JPH2: variants seen among roughly 807,000 people sequenced by gnomAD.
JPH2 encodes the protein junctophilin-2.
Under a neutral mutation model 55.9 loss-of-function variants are expected in JPH2, and 38 were observed. The observed-to-expected ratio is 0.68, with a 90% CI of 0.52 to 0.89. The LOEUF is 0.89. Among genes scored for constraint, JPH2 ranks in the 40% least tolerant of loss-of-function variants. The probability of loss-of-function intolerance (pLI) is 0.00; values close to 1 mark genes in which losing one functional copy is unlikely to be tolerated. For missense variants in JPH2, 964 were observed against 1,037.6 expected (o/e 0.93, Z 0.97); for synonymous variants, 480 against 472.4 (o/e 1.02, Z -0.21).
Position 44,160,166 on chromosome 20 carries a change from A to T in JPH2, c.621T>A (p.Asn207Lys). The T allele has an allele frequency of 7.0e-7, 1 of 1,423,288 alleles. No individual in the cohort carries two copies. Among genetic ancestry groups the T allele is most frequent in the Non-Finnish European group, 9.1e-7 (1 of 1,098,524 alleles). 88.2% of individuals were successfully genotyped at this position (1,423,288 alleles called of 1,614,324 possible). ...RGGFALSLLA[N>K]AEAAARAPKG... ...TGGGCGCCCGCGCGGCCGCCTCGGC[A>T]TTGGCCAGGAGGCTGAGCGCGAAGC... is the stretch of plus-strand genomic sequence containing the variant. Residue 207 changes from asparagine (N) to lysine (K), a missense_variant, in exon 2 of 6, where the codon AAT becomes AAA. By Grantham distance (94) the Asn-to-Lys change is moderately conservative. Coordinates refer to ENST00000372980, the MANE Select transcript of JPH2 (RefSeq NM_020433.5). This position sits in a 1 kb window ranked among gnomAD's most constrained non-coding sequence, Gnocchi z 4.9.
intron 2 of JPH2, among the ~76,000 whole-genome samples, chr20:44,148,722 A>G (rs1366007765): frequency 3.3e-5 from 5 of 151,898 alleles, no homozygotes; most frequent in African/African-American, 1.2e-4. Context: ...CCCCTGATTC[A>G]ACACCGGGCA....
intron 2 of JPH2, among the ~76,000 whole-genome samples, chr20:44,124,463 T>C (rs2072262010): frequency 1.3e-5 from 2 of 152,264 alleles, no homozygotes. Flanking sequence ...GAGTGCCTAC[T>C]ATGTGCTAGG....
At chr20:44,156,667 G>A (rs1334223311) in intron 2 of JPH2, among the ~76,000 whole-genome samples, 1 of 152,052 alleles carries the variant, frequency 6.6e-6, no homozygotes, top group Non-Finnish European at 1.5e-5. Context: ...GACAAAAAGG[G>A]GTCAAACTCA....
At chr20:44,140,035 C>A (rs2072444157) in intron 2 of JPH2, among the ~76,000 whole-genome samples, 1 of 152,110 alleles carries the variant, frequency 6.6e-6, no homozygotes, top group African/African-American at 2.4e-5. Context: ...CCTTGCCCAG[C>A]TAATTTTCTG....
At chr20:44,164,504 T>A (rs1002353298) in intron 1 of JPH2, among the ~76,000 whole-genome samples, 20 of 151,864 alleles carry the variant, frequency 1.3e-4, no homozygotes, top group African/African-American at 3.6e-4. Flanking sequence ...ACTAACACAG[T>A]GAAGTGCTAG....
intron 2 of JPH2, among the ~76,000 whole-genome samples, chr20:44,135,155 T>G (rs192802108): frequency 6.6e-6 from 1 of 151,874 alleles, no homozygotes; most frequent in African/African-American, 2.4e-5. Context: ...ACGTTCCTTC[T>G]TATGCCCCAT....
At chr20:44,152,449 G>A (rs560562808) in intron 2 of JPH2, among the ~76,000 whole-genome samples, 223 of 152,274 alleles carry the variant, frequency 1.5e-3, no homozygotes, top group Middle Eastern at 3.4e-3. Flanking sequence ...ACTAAGGCAG[G>A]AGGATAGCTT....
rs879547632 is a variant in JPH2, at chr20:44,108,966, GAGA to G, written c.*4549_*4551del. The stretch of plus-strand genomic sequence containing the variant: ...GGAGTTATTTCCTCAAGCTTCTTCA[GAGA>G]AGAAGGAAACTTCCTTCCCTGAACT... On this transcript the variant is annotated 3_prime_UTR_variant, in exon 6 of 6. Coordinates refer to ENST00000372980, the MANE Select transcript of JPH2 (RefSeq NM_020433.5). Among the ~76,000 whole-genome samples, 8 of 152,166 alleles carry G rather than the reference GAGA, an allele frequency of 5.3e-5. No homozygotes were observed. Among genetic ancestry groups the G allele is most frequent in the South Asian group, 2.1e-4 (1 of 4,834 alleles).
intron 1 of JPH2, among the ~76,000 whole-genome samples, chr20:44,171,936 T>C (rs748286826): frequency 2.6e-5 from 4 of 152,226 alleles, no homozygotes; most frequent in Non-Finnish European, 5.9e-5. Flanking sequence ...CAGCACTCCA[T>C]GCAGGGACTC....
intron 1 of JPH2, among the ~76,000 whole-genome samples, chr20:44,183,072 GAC>G (rs2072799731): frequency 1.3e-5 from 2 of 152,028 alleles, no homozygotes; most frequent in South Asian, 4.2e-4. Context: ...TGCACACACA[GAC>G]ACACATGCAC....
intron 1 of JPH2, among the ~76,000 whole-genome samples, chr20:44,174,921 G>T (rs527287352): frequency 6.6e-6 from 1 of 152,084 alleles, no homozygotes; most frequent in African/African-American, 2.4e-5. Context: ...TGAGCCCCCC[G>T]TGCAGGGGTG....
chr20:44,177,822 A>C, intron 1 of JPH2: 1 of 1,587,978 alleles, frequency 6.3e-7, no homozygotes, highest in Non-Finnish European at 8.6e-7. Flanking sequence ...GCTATGGTTC[A>C]GGCCATCCTG....
chr20:44,114,871 G>C lies in JPH2; in HGVS notation c.2016C>G (p.Pro672=). The C allele has an allele frequency of 6.2e-7, 1 of 1,601,224 alleles. No homozygotes were observed. Among genetic ancestry groups the C allele is most frequent in the Non-Finnish European group, 8.5e-7 (1 of 1,174,726 alleles). ...AEAEVEVEEV[P]NTILICMVIL... is the part of the protein sequence containing the mutation. ...TCACCATGCAGATGAGGATGGTGTT[G>C]GGGACCTGGGAGCAGTGGAGAGAGG... The change falls in exon 5 of 6, where the codon CCC becomes CCG. Residue 672 remains proline, a synonymous_variant. Transcript: ENST00000372980.
At chr20:44,118,656 C>A in intron 2 of JPH2, 33 bp from the exon 3 acceptor site, 1 of 1,555,358 alleles carries the variant, frequency 6.4e-7, no homozygotes, top group Non-Finnish European at 8.8e-7. Flanking sequence ...GACTCAGGAT[C>A]CTTCCAGAGA....
At chr20:44,142,929 T>A (rs1288110824) in intron 2 of JPH2, among the ~76,000 whole-genome samples, 1 of 152,104 alleles carries the variant, frequency 6.6e-6, no homozygotes, top group Non-Finnish European at 1.5e-5. Flanking sequence ...ACATACCTGC[T>A]GGGTGCTAGG....
intron 2 of JPH2, among the ~76,000 whole-genome samples, chr20:44,121,920 C>T (rs2072240395): frequency 6.6e-6 from 1 of 152,062 alleles, no homozygotes; most frequent in South Asian, 2.1e-4. Flanking sequence ...TTGCTTGAGC[C>T]CAGGAGATCG....
chr20:44,149,096 T>TA (rs112752255), intron 2 of JPH2, among the ~76,000 whole-genome samples: 2,725 of 141,730 alleles, frequency 0.019, 80 homozygotes, highest in African/African-American at 0.055. Flanking sequence ...CTCCTCCAAT[T>TA]AAAAAAAAAA....
In JPH2 at chr20:44,126,434, C is replaced by A. The variant is rs566687094; in HGVS notation, c.1170-7811G>T. Reference sequence around the variant, plus strand: ...AGGTGATTACAGGGAAAATGCTGCCCAGCGTCTTCCTGAGGTGGGGATGCT... The same window carrying A: ...AGGTGATTACAGGGAAAATGCTGCCAAGCGTCTTCCTGAGGTGGGGATGCT... On this transcript the variant is annotated intron_variant, in intron 2 of 5. Transcript: ENST00000372980. Among the ~76,000 whole-genome samples, 21 of 152,202 alleles carry A rather than the reference C, an allele frequency of 1.4e-4. No homozygotes were observed. In the South Asian group the frequency reaches 3.7e-3, roughly 27 times the overall value.
Position 44,182,424 on chromosome 20 carries a change from G to C in JPH2, c.379+3903C>G, listed in dbSNP as rs150091217. On this transcript the variant is annotated intron_variant, in intron 1 of 5. Transcript: ENST00000372980. ...TCATCTGGGAGAAGTCTGGGGCTCT[G>C]ACAAACCAAGGCAGCAGGGCTTCTG... Among the ~76,000 whole-genome samples, 154 of 152,298 alleles carry C rather than the reference G, an allele frequency of 1.0e-3. 1 individual carries two copies. Among genetic ancestry groups the C allele is most frequent in the Non-Finnish European group, 1.8e-3 (122 of 68,032 alleles).
Sources: allele counts gnomAD v4.1 joint callset (sites outside exome capture counted in the v4.1 genomes callset), GRCh38; gene constraint gnomAD v4.1.1; non-coding constraint Gnocchi (gnomAD v3.1); transcripts MANE v1.5; gene names NCBI Gene and HGNC (gene_info 2026-07-23, HGNC 2026-07-21).